Variants in USH2A observed in about 807,000 individuals in gnomAD.
USH2A encodes usherin, also known as Usher syndrome 2A (autosomal recessive, mild).
A neutral mutation model predicts 538.9 loss-of-function variants in USH2A; 443 were observed. The observed-to-expected ratio is 0.82, with a 90% confidence interval of 0.76 to 0.89. USH2A has a LOEUF of 0.89. Ranked by LOEUF, USH2A falls within the 40% of genes least tolerant of loss-of-function variation. The pLI is 0.00. For missense variants in USH2A, 6,633 were observed against 6,324.8 expected (o/e 1.05, Z -1.65); for synonymous variants, 2,413 against 2,273.5 (o/e 1.06, Z -1.75).
chr1:215,887,152 C>A (rs552543228), intron 41 of USH2A, among the ~76,000 whole-genome samples: 3 of 152,296 alleles, frequency 2.0e-5, no homozygotes, highest in East Asian at 3.9e-4. Context: ...CCACCGCACC[C>A]GGCCTGAAAA....
At chr1:216,331,246 T>A (rs2037857059) in intron 4 of USH2A, among the ~76,000 whole-genome samples, 1 of 152,154 alleles carries the variant, frequency 6.6e-6, no homozygotes, top group African/African-American at 2.4e-5. Context: ...TACTTGCCAA[T>A]TTTTTAACAA....
At position 215,629,006 on chromosome 1, in the gene USH2A, A is replaced by T. The variant is rs757291187; in HGVS notation, c.15327T>A (p.Ser5109=). 6.2e-7 allele frequency: 1 copy of T among 1,611,240 alleles called. No individual in the cohort carries two copies. The highest frequency in any genetic ancestry group is 8.5e-7 in the Non-Finnish European group (1 of 1,178,118). ...TGCTGCGGATACTCACAGGTGTCCC[A>T]GACCGGGGAATTTTGGTATCGGCTA... ...MGLADTKIPR[S]GTPVSIRSNR... is the part of the protein sequence containing the mutation. Residue 5109 remains serine, a synonymous_variant, in exon 71 of 72, where the codon TCT becomes TCA. Transcript: ENST00000307340.
At chr1:215,887,153 G>A (rs1026270940) in intron 41 of USH2A, among the ~76,000 whole-genome samples, 7 of 152,114 alleles carry the variant, frequency 4.6e-5, no homozygotes, top group East Asian at 1.9e-4. Flanking sequence ...CACCGCACCC[G>A]GCCTGAAAAT....
At chr1:215,641,283 C>T (rs1171976978) in intron 67 of USH2A, among the ~76,000 whole-genome samples, 1 of 152,112 alleles carries the variant, frequency 6.6e-6, no homozygotes, top group Non-Finnish European at 1.5e-5. Context: ...AGCTTTTTCT[C>T]AAACTGTTAG....
rs571884003 is a variant in USH2A at position 215,884,211 on chromosome 1, T to C, written c.8223+4215A>G. On this transcript the variant is annotated intron_variant, in intron 41 of 71. Coordinates refer to ENST00000307340, the MANE Select transcript of USH2A (RefSeq NM_206933.4). ...GTAAGAAACCTGCACGTTCTGTACA[T>C]GTATCCCAGAACTTAAAGTAAAATA... Among the ~76,000 whole-genome samples, 3 of 152,332 alleles carry C rather than the reference T, an allele frequency of 2.0e-5. No individual in the cohort carries two copies. In the South Asian group the frequency reaches 6.2e-4, roughly 32 times the overall value.
chr1:215,777,159 AC>A (rs1437140477), intron 55 of USH2A, among the ~76,000 whole-genome samples: 8 of 152,084 alleles, frequency 5.3e-5, no homozygotes, highest in Non-Finnish European at 1.0e-4. Flanking sequence ...ATATTAAAAA[AC>A]CTTAAAATAT....
chr1:216,133,702 A>C (rs2033424596), intron 21 of USH2A, among the ~76,000 whole-genome samples: 1 of 152,146 alleles, frequency 6.6e-6, no homozygotes, highest in South Asian at 2.1e-4. Flanking sequence ...GAATTAAATT[A>C]GCACCTAGGT....
chr1:215,724,795 T>G (rs777811755), intron 61 of USH2A, among the ~76,000 whole-genome samples: 2 of 152,132 alleles, frequency 1.3e-5, no homozygotes, highest in African/African-American at 2.4e-5. Context: ...AACAACATAG[T>G]TAAGTTTGGT....
At chr1:216,262,400 G>A (rs1399838337) in intron 11 of USH2A, among the ~76,000 whole-genome samples, 1 of 151,894 alleles carries the variant, frequency 6.6e-6, no homozygotes, top group South Asian at 2.1e-4. Flanking sequence ...CAGAAATATT[G>A]GAGCTGAGCA....
intron 58 of USH2A, among the ~76,000 whole-genome samples, chr1:215,745,676 T>G (rs1372661186): frequency 6.6e-6 from 1 of 152,216 alleles, no homozygotes. Flanking sequence ...GTTAAATAAC[T>G]TGTTCCAGAT....
At chr1:216,256,279 G>T (rs2036256802) in intron 11 of USH2A, among the ~76,000 whole-genome samples, 1 of 143,438 alleles carries the variant, frequency 7.0e-6, no homozygotes, top group Non-Finnish European at 1.5e-5. Flanking sequence ...CTATTATCTT[G>T]ATATTTCCTA....
intron 61 of USH2A, among the ~76,000 whole-genome samples, chr1:215,690,823 A>ATCT (rs755231468): frequency 2.6e-5 from 4 of 152,036 alleles, no homozygotes; most frequent in Non-Finnish European, 5.9e-5. Flanking sequence ...TTCACACCAC[A>ATCT]TCTACTACTA....
chr1:216,098,356 A>G (rs915401103), intron 21 of USH2A, among the ~76,000 whole-genome samples: 2 of 152,282 alleles, frequency 1.3e-5, no homozygotes, highest in Non-Finnish European at 2.9e-5. Flanking sequence ...AAGACCATAT[A>G]TGAAAATCAA....
At chr1:216,314,511 A>G (rs2037473829) in intron 9 of USH2A, among the ~76,000 whole-genome samples, 1 of 152,086 alleles carries the variant, frequency 6.6e-6, no homozygotes, top group African/African-American at 2.4e-5. Flanking sequence ...AAGCAGTGGT[A>G]AAGCCTGATA....
chr1:216,289,688 GT>G (rs1299088641), intron 10 of USH2A, among the ~76,000 whole-genome samples: 2 of 152,088 alleles, frequency 1.3e-5, no homozygotes, highest in Non-Finnish European at 2.9e-5. Context: ...TTTGGAAAGA[GT>G]TTGCTCCTAA....
At chr1:215,818,482 G>GT (rs1333992447) in intron 47 of USH2A, among the ~76,000 whole-genome samples, 7 of 151,138 alleles carry the variant, frequency 4.6e-5, no homozygotes, top group Admixed American at 2.6e-4. Flanking sequence ...AAAGATTCCC[G>GT]TAAGAAATAT....
At chr1:216,103,744 G>A (rs190655248) in intron 21 of USH2A, among the ~76,000 whole-genome samples, 4 of 152,154 alleles carry the variant, frequency 2.6e-5, no homozygotes, top group Non-Finnish European at 2.9e-5. Context: ...TGAGCAAAAC[G>A]TCTAAACAAT....
At chr1:215,693,896 A>G (rs12408717) in intron 61 of USH2A, among the ~76,000 whole-genome samples, 29,316 of 152,206 alleles carry the variant, frequency 0.19, 3,152 homozygotes, top group South Asian at 0.47. Context: ...GTACTGCTTA[A>G]CTATACTATA....
rs780581599 is a variant in USH2A at position 216,394,720 on chromosome 1, C to CTTTTTTTTTTTTT, written c.651+23781_651+23793dup. The stretch of plus-strand genomic sequence containing the variant: ...CTTAAGGCCTAATAACTGGTCCAGT[C>CTTTTTTTTTTTTT]TTTTTTTTTTTTTTTTGAGACAGAG... On this transcript the variant is annotated intron_variant, in intron 3 of 71. Transcript: ENST00000307340. 4.4e-3 allele frequency among the ~76,000 whole-genome samples: 533 copies of CTTTTTTTTTTTTT among 120,260 alleles called. 61 individuals are homozygous for CTTTTTTTTTTTTT. The highest frequency in any genetic ancestry group is 8.9e-3 in the African/African-American group (295 of 33,098). 78.9% of individuals were successfully genotyped at this position (120,260 alleles called of 152,430 possible). A position where few individuals can be genotyped will look rare whatever the true frequency, so the allele number is the denominator to read the frequency against.
Sources: allele counts gnomAD v4.1 joint callset (sites outside exome capture counted in the v4.1 genomes callset), GRCh38; gene constraint gnomAD v4.1.1; transcripts MANE v1.5; gene names NCBI Gene and HGNC (gene_info 2026-07-23, HGNC 2026-07-21).